KIAA1217: variants seen among roughly 807,000 people sequenced by gnomAD.
KIAA1217 encodes the protein KIAA1217, also known as sickle tail protein homolog.
KIAA1217 carries 88 observed loss-of-function variants against 163.9 expected under a neutral mutation model. That is an observed-to-expected ratio of 0.54 (90% CI 0.45 to 0.64). KIAA1217 has a LOEUF of 0.64. KIAA1217 is among the 30% of genes least tolerant of loss of function. KIAA1217 has a pLI of 0.00. For synonymous variants in KIAA1217, 903 were observed against 923.1 expected (o/e 0.98, Z 0.39); for missense variants, 2,372 against 2,475.0 (o/e 0.96, Z 0.88).
At chr10:23,844,666 T>A (rs1398806455) in intron 1 of KIAA1217, among the ~76,000 whole-genome samples, 1 of 152,136 alleles carries the variant, frequency 6.6e-6, no homozygotes, top group East Asian at 1.9e-4. Context: ...ACATCAATGT[T>A]GGAGTCCCTC....
At chr10:24,219,545 C>A in intron 1 of KIAA1217, 81 bp from the exon 2 acceptor site, 1 of 1,180,360 alleles carries the variant, frequency 8.5e-7, no homozygotes, top group South Asian at 1.9e-5. Context: ...TTAACAACTG[C>A]CGCAAACCCT....
At chr10:24,241,540 G>A (rs920027182) in intron 2 of KIAA1217, among the ~76,000 whole-genome samples, 3 of 152,012 alleles carry the variant, frequency 2.0e-5, no homozygotes, top group African/African-American at 2.4e-5. Flanking sequence ...AAGTAGAGTC[G>A]GATTTTAATG....
At chr10:24,427,006 A>G (rs1040980836) in intron 3 of KIAA1217, among the ~76,000 whole-genome samples, 1 of 152,218 alleles carries the variant, frequency 6.6e-6, no homozygotes, top group African/African-American at 2.4e-5. Context: ...ATGTGTGGGC[A>G]CAAGTGTGAC....
chr10:24,239,144 G>A (rs969311752), intron 2 of KIAA1217: 4 of 985,142 alleles, frequency 4.1e-6, no homozygotes, highest in Non-Finnish European at 4.8e-6. Context: ...AGTCCTATAG[G>A]CTACAAGTAG....
intron 1 of KIAA1217, among the ~76,000 whole-genome samples, chr10:23,757,147 AT>A: frequency 6.6e-6 from 1 of 151,940 alleles, no homozygotes; most frequent in Non-Finnish European, 1.5e-5. Flanking sequence ...GTTCTTCCAC[AT>A]TTTAGTTATT....
In KIAA1217 at chr10:24,054,457, A is replaced by C. The variant is rs887153447; in HGVS notation, c.-171+47083A>C. Among the ~76,000 whole-genome samples, 2 of 152,192 alleles carry C rather than the reference A, an allele frequency of 1.3e-5. 1 individual carries two copies. Among genetic ancestry groups the C allele is most frequent in the African/African-American group, 4.8e-5 (2 of 41,448 alleles). On this transcript the variant is annotated intron_variant, in intron 2 of 18. Coordinates refer to the KIAA1217 transcript ENST00000376462. ...AGAGAAAGTAGCCCAGGACCCTGGG[A>C]TATTCCAAGATTTGAGCTTCAAAGC...
chr10:23,964,115 G>T (rs1013225094), intron 1 of KIAA1217, among the ~76,000 whole-genome samples: 4 of 151,886 alleles, frequency 2.6e-5, no homozygotes, highest in Non-Finnish European at 5.9e-5. Context: ...TGTTGGCTAG[G>T]ATGGTCCCCA....
chr10:24,001,079 C>T (rs1846723346), intron 1 of KIAA1217, among the ~76,000 whole-genome samples: 2 of 151,576 alleles, frequency 1.3e-5, no homozygotes, highest in South Asian at 2.1e-4. Flanking sequence ...AACACACACA[C>T]ACACACACAC....
intron 2 of KIAA1217, among the ~76,000 whole-genome samples, chr10:24,047,034 A>G (rs1849082280): frequency 1.3e-5 from 2 of 152,260 alleles, no homozygotes; most frequent in African/African-American, 4.8e-5. Context: ...GCCCAGGATT[A>G]TTGTATCTTA....
At chr10:23,793,930 T>C in intron 1 of KIAA1217, among the ~76,000 whole-genome samples, 1 of 152,242 alleles carries the variant, frequency 6.6e-6, no homozygotes, top group Non-Finnish European at 1.5e-5. Flanking sequence ...ATTTTAATAG[T>C]CATTAATCAA....
intron 1 of KIAA1217, among the ~76,000 whole-genome samples, chr10:23,949,658 G>A (rs183375980): frequency 4.7e-4 from 71 of 152,074 alleles, no homozygotes; most frequent in African/African-American, 1.7e-3. Flanking sequence ...GTGTTTAAAA[G>A]CAAGTATACT....
chr10:24,546,148 C>G lies in KIAA1217; in HGVS notation c.5656C>G (p.Arg1886Gly). ...ATTCTCACCGCAGAGTCAAAATGGCCGAGCACCCCCTCCTTTGTCATTTTC... is the reference window on the plus strand; with the variant it reads ...ATTCTCACCGCAGAGTCAAAATGGCGGAGCACCCCCTCCTTTGTCATTTTC... The part of the protein sequence containing the change: ...LSFSPQSQNG[R>G]APPPLSFSSS... Residue 1886 changes from arginine to glycine, a missense_variant, in exon 21 of 21, where the codon CGA (arginine) becomes GGA (glycine). By Grantham distance (125) the Arg-to-Gly change is moderately radical (BLOSUM62 -2). This residue lies in a region of KIAA1217 where 690 missense variants were observed against 677.5 expected (regional missense o/e 1.02). Coordinates refer to ENST00000376454, the MANE Select transcript of KIAA1217 (RefSeq NM_019590.5). 1.9e-6 allele frequency: 3 copies of G among 1,614,128 alleles called. No homozygotes were observed. The South Asian group carries it at 3.3e-5, about 18-fold the overall frequency.
chr10:24,296,307 G>T (rs1291531988), intron 2 of KIAA1217, among the ~76,000 whole-genome samples: 1 of 152,052 alleles, frequency 6.6e-6, no homozygotes, highest in Non-Finnish European at 1.5e-5. Flanking sequence ...TCTCCATGTT[G>T]CCAAGGCTGG....
intron 2 of KIAA1217, among the ~76,000 whole-genome samples, chr10:24,306,876 A>T (rs1823291002): frequency 6.6e-6 from 1 of 152,162 alleles, no homozygotes; most frequent in Non-Finnish European, 1.5e-5. Context: ...ATATATTTGG[A>T]AGGTCTTCAC....
chr10:24,441,883 C>T (rs2060525692), intron 5 of KIAA1217, among the ~76,000 whole-genome samples: 1 of 152,128 alleles, frequency 6.6e-6, no homozygotes, highest in Non-Finnish European at 1.5e-5. Flanking sequence ...ACACGTTTTT[C>T]CATACCAGCA....
chr10:24,220,038 G>T (rs2069364248), intron 2 of KIAA1217, 129 bp downstream of exon 2: 3 of 998,408 alleles, frequency 3.0e-6, no homozygotes, highest in Non-Finnish European at 4.1e-6. Flanking sequence ...AGTTGTTCTG[G>T]ATTTCTTTGG....
intron 1 of KIAA1217, among the ~76,000 whole-genome samples, chr10:23,858,773 C>T (rs937819875): frequency 2.6e-5 from 4 of 152,100 alleles, no homozygotes; most frequent in South Asian, 4.1e-4. Context: ...GTTCTCTGGG[C>T]GTGGTGCCCT....
At chr10:24,053,747 C>T (rs867109663) in intron 2 of KIAA1217, among the ~76,000 whole-genome samples, 1 of 151,996 alleles carries the variant, frequency 6.6e-6, no homozygotes, top group Non-Finnish European at 1.5e-5. Flanking sequence ...GAGTATTATA[C>T]AGTGATAGAA....
At chr10:24,324,076 G>GTCCAACATGGTGAAACCCT (rs2044541733) in intron 2 of KIAA1217, among the ~76,000 whole-genome samples, 1 of 151,682 alleles carries the variant, frequency 6.6e-6, no homozygotes, top group Non-Finnish European at 1.5e-5. Context: ...AGACCAGCCT[G>GTCCAACATGGTGAAACCCT]GGCAGTATAG....
Sources: allele counts gnomAD v4.1 joint callset (sites outside exome capture counted in the v4.1 genomes callset), GRCh38; gene constraint gnomAD v4.1.1; regional missense constraint gnomAD v4.1.1; transcripts MANE v1.5; gene names NCBI Gene and HGNC (gene_info 2026-07-23, HGNC 2026-07-21).